The following FBN1 variants were observed in gnomAD, a reference collection of about 807,000 sequenced individuals.
FBN1 encodes the protein fibrillin-1.
In FBN1, 29 loss-of-function variants were observed where a neutral mutation model predicts 365.1. The ratio of observed to expected loss-of-function variants is 0.08; its 90% CI spans 0.06 to 0.11. The LOEUF is 0.11. FBN1 is among the 10% of genes least tolerant of loss of function. FBN1 has a pLI of 1.00. For synonymous variants in FBN1, 1,210 were observed against 1,270.5 expected (o/e 0.95, Z 1.01); for missense variants, 2,476 against 3,703.2 (o/e 0.67, Z 8.60).
intron 53 of FBN1, among the ~76,000 whole-genome samples, chr15:48,435,768 G>GTATATATATGTGTGTATA (rs371770634): frequency 1.1e-4 from 12 of 111,360 alleles, no homozygotes; most frequent in African/African-American, 4.9e-4. Flanking sequence ...ATATATATGT[G>GTATATATATGTGTGTATA]TATATGTGTG....
At chr15:48,450,070 C>G (rs1238987585) in intron 45 of FBN1, among the ~76,000 whole-genome samples, 2 of 152,188 alleles carry the variant, frequency 1.3e-5, no homozygotes, top group Non-Finnish European at 2.9e-5. Flanking sequence ...TACTACTAGC[C>G]TATGCAGAAA....
chr15:48,510,708 C>T (rs1486952462), intron 13 of FBN1, among the ~76,000 whole-genome samples: 7 of 152,160 alleles, frequency 4.6e-5, no homozygotes, highest in African/African-American at 1.7e-4. Flanking sequence ...TTTTAAAAAA[C>T]AACTTTATGA....
chr15:48,412,401 A>G (rs939866101), intron 65 of FBN1, among the ~76,000 whole-genome samples, 168 bp downstream of exon 65: 1 of 152,200 alleles, frequency 6.6e-6, no homozygotes, highest in Non-Finnish European at 1.5e-5. Flanking sequence ...AAGAAACTCC[A>G]GAAAGCCCCA....
intron 6 of FBN1, among the ~76,000 whole-genome samples, chr15:48,573,237 A>T (rs2044319561): frequency 6.6e-6 from 1 of 152,208 alleles, no homozygotes; most frequent in Non-Finnish European, 1.5e-5. Context: ...TTATATATAC[A>T]TATGCTGAGT....
intron 2 of FBN1, among the ~76,000 whole-genome samples, chr15:48,625,325 T>G (rs1889855277): frequency 6.6e-6 from 1 of 152,102 alleles, no homozygotes; most frequent in African/African-American, 2.4e-5. Flanking sequence ...AAATGTTGTT[T>G]CTATGGGAAA....
At chr15:48,586,452 G>C (rs1472091413) in intron 6 of FBN1, among the ~76,000 whole-genome samples, 2 of 152,146 alleles carry the variant, frequency 1.3e-5, no homozygotes, top group Non-Finnish European at 2.9e-5. Context: ...GGGAGCTCTA[G>C]CTCTAAGAAT....
intron 2 of FBN1, among the ~76,000 whole-genome samples, chr15:48,613,542 A>T (rs1214327121): frequency 2.0e-5 from 3 of 152,138 alleles, no homozygotes; most frequent in Non-Finnish European, 4.4e-5. Flanking sequence ...AATTTTACAT[A>T]TTCTCCCTTT....
chr15:48,419,964 C>T (rs113517168), intron 63 of FBN1, among the ~76,000 whole-genome samples: 93 of 152,306 alleles, frequency 6.1e-4, no homozygotes, highest in African/African-American at 2.1e-3. Flanking sequence ...AAGAACTGGG[C>T]AAGGAAATAT....
At chr15:48,495,730 G>A in intron 20 of FBN1, 142 bp from the exon 21 acceptor site, 1 of 1,006,824 alleles carries the variant, frequency 9.9e-7, no homozygotes, top group Non-Finnish European at 1.5e-6. Flanking sequence ...TACACTAGAT[G>A]GAATGCCAAA....
chr15:48,553,657 AGT>A (rs1725301758), intron 6 of FBN1, among the ~76,000 whole-genome samples: 1 of 151,632 alleles, frequency 6.6e-6, no homozygotes, highest in Non-Finnish European at 1.5e-5. Flanking sequence ...CTACTCTGTG[AGT>A]GTGAGATGAG....
At chr15:48,571,130 G>A (rs1371223686) in intron 6 of FBN1, among the ~76,000 whole-genome samples, 3 of 152,312 alleles carry the variant, frequency 2.0e-5, no homozygotes, top group Non-Finnish European at 4.4e-5. Flanking sequence ...ATGGGTATGA[G>A]AAGTCCAAGG....
In FBN1 at chr15:48,513,434, G is replaced by T. The variant is rs183310153; in HGVS notation, c.1588+115C>A. 7 of 1,449,032 alleles carry T rather than the reference G, an allele frequency of 4.8e-6. No homozygotes were observed. The African/African-American group carries it at 8.3e-5, about 17-fold the overall frequency. The allele number at this position is 1,449,032 out of a possible 1,614,324, so 89.8% of individuals were successfully genotyped here. On this transcript the variant is annotated intron_variant, in intron 13 of 65. Transcript: ENST00000316623. ...GTGGAACTAAGTTCAAAAAAGCCACGGGACTGTATTAGTCTCTTCCGGCAT... is the reference window on the plus strand; with the variant it reads ...GTGGAACTAAGTTCAAAAAAGCCACTGGACTGTATTAGTCTCTTCCGGCAT...
intron 4 of FBN1, 37 bp downstream of exon 4, chr15:48,610,691 T>A: frequency 1.3e-6 from 2 of 1,489,952 alleles, no homozygotes; most frequent in East Asian, 4.7e-5. Flanking sequence ...TATAACCACA[T>A]AAAATAATAT....
At chr15:48,527,744 G>T (rs2043926339) in intron 8 of FBN1, among the ~76,000 whole-genome samples, 1 of 152,204 alleles carries the variant, frequency 6.6e-6, no homozygotes, top group South Asian at 2.1e-4. Flanking sequence ...TCCATGCTAG[G>T]CTAGAGGCTA....
At chr15:48,518,094 G>T (rs2043819240) in intron 10 of FBN1, among the ~76,000 whole-genome samples, 1 of 152,074 alleles carries the variant, frequency 6.6e-6, no homozygotes, top group Non-Finnish European at 1.5e-5. Context: ...GATTTCACTG[G>T]AATTTCAAAT....
chr15:48,620,874 G>A (rs1213177609), intron 2 of FBN1, among the ~76,000 whole-genome samples: 1 of 152,114 alleles, frequency 6.6e-6, no homozygotes, highest in East Asian at 1.9e-4. Context: ...GATGATTCTA[G>A]GGCTGGGCAG....
At position 48,488,010 on chromosome 15, in the gene FBN1, G is replaced by A. The variant is rs11856553; in HGVS notation, c.3337+103C>T. ...TGCAGACTGATTCCTAACTTCACTGGTTGCACTGGGGCAGCAGGAAGAACC... is the reference window on the plus strand; with the variant it reads ...TGCAGACTGATTCCTAACTTCACTGATTGCACTGGGGCAGCAGGAAGAACC... On this transcript the variant is annotated intron_variant, in intron 27 of 65. Transcript: ENST00000316623. The A allele has an allele frequency of 6.1e-3, 8,783 of 1,442,414 alleles. 38 individuals are homozygous for A. Among genetic ancestry groups the A allele is most frequent in the Non-Finnish European group, 7.6e-3 (7,809 of 1,026,810 alleles). 89.4% of individuals were successfully genotyped at this position (1,442,414 alleles called of 1,614,324 possible).
At chr15:48,532,894 G>T (rs2043985399) in intron 8 of FBN1, among the ~76,000 whole-genome samples, 1 of 152,204 alleles carries the variant, frequency 6.6e-6, no homozygotes. Flanking sequence ...GAATAACTAT[G>T]TATAACATGT....
chr15:48,586,722 G>T (rs573664545), intron 6 of FBN1, among the ~76,000 whole-genome samples: 3 of 152,124 alleles, frequency 2.0e-5, no homozygotes, highest in African/African-American at 7.2e-5. Context: ...AAATAATGAA[G>T]ATCTTCCTCC....
Sources: allele counts gnomAD v4.1 joint callset (sites outside exome capture counted in the v4.1 genomes callset), GRCh38; gene constraint gnomAD v4.1.1; transcripts MANE v1.5; gene names NCBI Gene and HGNC (gene_info 2026-07-23, HGNC 2026-07-21).